IQCK: variants seen among roughly 807,000 people sequenced by gnomAD.
The protein encoded by IQCK is IQ domain-containing protein K.
In IQCK, 29 loss-of-function variants were observed where a neutral mutation model predicts 28.1. That is an observed-to-expected ratio of 1.03 (90% CI 0.77 to 1.41). The LOEUF is 1.41. IQCK is among the 40% of genes most tolerant of loss of function. The pLI, the probability that IQCK is intolerant of heterozygous loss-of-function variation, is 0.00. For synonymous variants in IQCK, 113 were observed against 115.1 expected (o/e 0.98, Z 0.12); for missense variants, 359 against 314.7 (o/e 1.14, Z -1.07).
chr16:19,831,405 T>G (rs983643510), downstream of IQCK, among the ~76,000 whole-genome samples: 18 of 152,326 alleles, frequency 1.2e-4, no homozygotes, highest in African/African-American at 4.3e-4. Context: ...CTTGTTCCCT[T>G]TAACTGTCGC....
At chr16:19,759,919 G>A (rs926088452) in intron 4 of IQCK, among the ~76,000 whole-genome samples, 15 of 152,112 alleles carry the variant, frequency 9.9e-5, no homozygotes, top group African/African-American at 3.6e-4. Flanking sequence ...GAGCCCAGGA[G>A]TTTGAGACCA....
Position 19,856,578 on chromosome 16 carries a change from G to A in IQCK, c.*30G>A, listed in dbSNP as rs771065055. The A allele has an allele frequency of 1.4e-5, 23 of 1,589,004 alleles. No individual in the cohort carries two copies. The South Asian group carries it at 2.0e-4, about 14-fold the overall frequency. ...AGCTAAGACGTATCTTTGCCCATTC[G>A]AGCACAAGTTACCTTGTGCAAGGAA... On this transcript the variant is annotated 3_prime_UTR_variant, in exon 10 of 10. Coordinates refer to the IQCK transcript ENST00000320394.
chr16:19,810,858 T>C (rs1366352292), intron 7 of IQCK, among the ~76,000 whole-genome samples: 1 of 151,564 alleles, frequency 6.6e-6, no homozygotes, highest in Non-Finnish European at 1.5e-5. Flanking sequence ...ATTTGTATGG[T>C]TGTTCTGAGA....
At chr16:19,749,239 A>G (rs945543688) in intron 4 of IQCK, among the ~76,000 whole-genome samples, 9 of 152,198 alleles carry the variant, frequency 5.9e-5, no homozygotes, top group Non-Finnish European at 1.0e-4. Context: ...ATCAAGTACT[A>G]TGGATGTTTC....
chr16:19,731,816 G>C (rs905157783), intron 2 of IQCK, among the ~76,000 whole-genome samples: 1 of 152,240 alleles, frequency 6.6e-6, no homozygotes, highest in African/African-American at 2.4e-5. Flanking sequence ...TGGAGAACCA[G>C]GGAAGCTGGT....
intron 4 of IQCK, among the ~76,000 whole-genome samples, chr16:19,755,301 T>C (rs2055037570): frequency 6.6e-6 from 1 of 152,210 alleles, no homozygotes; most frequent in Non-Finnish European, 1.5e-5. Context: ...ACCAGGAATA[T>C]GGATCAGGCC....
Position 19,825,242 on chromosome 16 carries a change from C to T in IQCK, c.691-1784C>T, listed in dbSNP as rs537925579. Among the ~76,000 whole-genome samples, 192 of 152,248 alleles carry T rather than the reference C, an allele frequency of 1.3e-3. 2 individuals carry two copies. The highest frequency in any genetic ancestry group is 4.4e-3 in the African/African-American group (183 of 41,548). On this transcript the variant is annotated intron_variant, in intron 7 of 7. Coordinates refer to ENST00000564186, the Ensembl canonical transcript of IQCK. The surrounding 1 kb of genome is among the most constrained non-coding windows in gnomAD (Gnocchi z 4.2). ...AGTGATTCAAATTTGTAAAATAGGC[C>T]GGGAGCAGTGGCTTATACCTGTAAT...
intron 7 of IQCK, among the ~76,000 whole-genome samples, chr16:19,806,689 A>G (rs1311008919): frequency 6.6e-6 from 1 of 151,174 alleles, no homozygotes; most frequent in African/African-American, 2.4e-5. Flanking sequence ...ACCCTGTCTC[A>G]AACCACTCCC....
chr16:19,762,665 T>C (rs1342782264), intron 4 of IQCK, among the ~76,000 whole-genome samples: 1 of 152,122 alleles, frequency 6.6e-6, no homozygotes, highest in Non-Finnish European at 1.5e-5. Context: ...AAAGTAAGAA[T>C]ATACAGTTGA....
intron 6 of IQCK, among the ~76,000 whole-genome samples, chr16:19,779,463 A>G (rs945864772): frequency 1.3e-5 from 2 of 152,154 alleles, no homozygotes; most frequent in African/African-American, 4.8e-5. Flanking sequence ...TTTAATGAGT[A>G]CACTGAAAAA....
intron 7 of IQCK, among the ~76,000 whole-genome samples, chr16:19,817,887 T>C (rs1168374506): frequency 1.3e-5 from 2 of 152,112 alleles, no homozygotes; most frequent in African/African-American, 4.8e-5. Context: ...AGTAAACCAA[T>C]TGTAAAGAAA....
intron 1 of IQCK, among the ~76,000 whole-genome samples, chr16:19,723,976 A>AT (rs1977576218): frequency 6.6e-6 from 1 of 151,036 alleles, no homozygotes; most frequent in Non-Finnish European, 1.5e-5. Flanking sequence ...AAAAAAAAAA[A>AT]GCAGCTTCCT....
intron 7 of IQCK, among the ~76,000 whole-genome samples, chr16:19,820,374 G>A (rs1166802651): frequency 6.6e-6 from 1 of 152,122 alleles, no homozygotes; most frequent in East Asian, 1.9e-4. Flanking sequence ...AAATTGCTGG[G>A]CTTGGTGGCT....
intron 4 of IQCK, among the ~76,000 whole-genome samples, chr16:19,745,488 T>A (rs1339118332): frequency 2.0e-5 from 3 of 152,002 alleles, no homozygotes; most frequent in African/African-American, 7.2e-5. Context: ...GTAAACAAAG[T>A]GGGTTTTATT....
At chr16:19,737,628 A>G (rs1486054291) in intron 4 of IQCK, among the ~76,000 whole-genome samples, 1 of 152,146 alleles carries the variant, frequency 6.6e-6, no homozygotes, top group Non-Finnish European at 1.5e-5. Flanking sequence ...ACCATTTGAC[A>G]ACAGTAGATC....
At position 19,771,381 on chromosome 16, in the gene IQCK, C is replaced by T. The variant is rs2055319333; in HGVS notation, c.605+7269C>T. On this transcript the variant is annotated intron_variant, in intron 6 of 7. Transcript: ENST00000564186. ...TGCTGGGATTACAGTTTTAAGCCACCATGCCCGACCAGTTTCTGGGAATTT... is the reference window on the plus strand; with the variant it reads ...TGCTGGGATTACAGTTTTAAGCCACTATGCCCGACCAGTTTCTGGGAATTT... 4.6e-5 allele frequency among the ~76,000 whole-genome samples: 7 copies of T among 152,206 alleles called. No homozygotes were observed. In the South Asian group the frequency reaches 1.4e-3, roughly 31 times the overall value.
chr16:19,805,949 G>A (rs549730498), intron 7 of IQCK, among the ~76,000 whole-genome samples: 2 of 152,258 alleles, frequency 1.3e-5, no homozygotes, highest in South Asian at 4.1e-4. Flanking sequence ...CATGTGCTGA[G>A]TCTACTTCTG....
chr16:19,842,048 G>A (rs888712549), intron 9 of IQCK, among the ~76,000 whole-genome samples: 2 of 152,094 alleles, frequency 1.3e-5, no homozygotes, highest in African/African-American at 2.4e-5. Flanking sequence ...GTTTCACCAT[G>A]TTGGCCAGGC....
At chr16:19,740,526 C>A (rs903628029) in intron 4 of IQCK, among the ~76,000 whole-genome samples, 2 of 152,206 alleles carry the variant, frequency 1.3e-5, no homozygotes, top group African/African-American at 4.8e-5. Flanking sequence ...TCACGAGTCA[C>A]ATTTCAGCAA....
Sources: gnomAD v4.1 joint callset for allele counts (sites outside exome capture counted in the v4.1 genomes callset) on GRCh38, gnomAD v4.1.1 for gene constraint, Gnocchi (gnomAD v3.1) non-coding constraint, MANE v1.5 for transcripts, NCBI Gene and HGNC (gene_info 2026-07-23, HGNC 2026-07-21) for gene names.